CEP76: variants seen among roughly 807,000 people sequenced by gnomAD.
CEP76 encodes the protein centrosomal protein of 76 kDa.
A neutral mutation model predicts 83.3 loss-of-function variants in CEP76; 55 were observed. The observed-to-expected ratio is 0.66, with a 90% CI of 0.53 to 0.83. The LOEUF is 0.83. Ranked by LOEUF, CEP76 falls within the 40% of genes least tolerant of loss-of-function variation. The pLI is 0.00. For missense variants in CEP76, 694 were observed against 799.5 expected, an observed-to-expected ratio of 0.87 and a Z score of 1.59; for synonymous variants, 270 against 274.5, an observed-to-expected ratio of 0.98 and a Z score of 0.16.
chr18:12,687,782 T>G (rs2039596095), intron 7 of CEP76, among the ~76,000 whole-genome samples: 1 of 151,928 alleles, frequency 6.6e-6, no homozygotes, highest in Admixed American at 6.6e-5. Flanking sequence ...AAACAGAGGA[T>G]TATTATTCTA....
chr18:12,690,592 A>C (rs991553588), intron 7 of CEP76, among the ~76,000 whole-genome samples: 4 of 151,910 alleles, frequency 2.6e-5, no homozygotes, highest in African/African-American at 9.7e-5. Context: ...AGTAGCTGCG[A>C]CTATAGGAGC....
At position 12,677,740 on chromosome 18, in the gene CEP76, T is replaced by C. The variant is rs370552192; in HGVS notation, c.1623+369A>G. ...TCCCAAAGTGCTGGGGTTATAGGCATGAGCCATCAAGCCCAGCCTAACCCA... is the reference window on the plus strand; with the variant it reads ...TCCCAAAGTGCTGGGGTTATAGGCACGAGCCATCAAGCCCAGCCTAACCCA... On this transcript the variant is annotated intron_variant, in intron 10 of 11. Coordinates refer to ENST00000262127, the MANE Select transcript of CEP76 (RefSeq NM_024899.4). Among the ~76,000 whole-genome samples the C allele has an allele frequency of 1.8e-4, 27 of 152,272 alleles. No individual in the cohort carries two copies. In the East Asian group the frequency reaches 5.0e-3, roughly 28 times the overall value.
chr18:12,693,543 G>C (rs992902456), intron 6 of CEP76, among the ~76,000 whole-genome samples: 14 of 152,170 alleles, frequency 9.2e-5, no homozygotes, highest in Non-Finnish European at 1.8e-4. Context: ...ATACCACTTT[G>C]GGAGGCCGAG....
chr18:12,700,577 T>C (rs2040116536), intron 2 of CEP76, among the ~76,000 whole-genome samples: 1 of 152,206 alleles, frequency 6.6e-6, no homozygotes, highest in Non-Finnish European at 1.5e-5. Flanking sequence ...TCATAGAGAA[T>C]ATAATCCCAA....
chr18:12,688,240 A>C (rs943621049), intron 7 of CEP76, among the ~76,000 whole-genome samples: 5 of 151,934 alleles, frequency 3.3e-5, no homozygotes, highest in Non-Finnish European at 7.4e-5. Flanking sequence ...AAAAAAAAAA[A>C]AAAAAAACAA....
At chr18:12,684,135 CTTTT>C (rs1185599357) in intron 8 of CEP76, among the ~76,000 whole-genome samples, 1 of 151,466 alleles carries the variant, frequency 6.6e-6, no homozygotes, top group Admixed American at 6.6e-5. Flanking sequence ...AGTGATTCTC[CTTTT>C]TTTGTGTTTT....
intron 10 of CEP76, among the ~76,000 whole-genome samples, chr18:12,676,003 A>G (rs1384323601): frequency 2.6e-5 from 4 of 152,118 alleles, no homozygotes; most frequent in African/African-American, 9.7e-5. Flanking sequence ...AGACCTATTG[A>G]TATCTGGACA....
At chr18:12,686,503 T>G in intron 7 of CEP76, 53 bp from the exon 8 acceptor site, 4 of 1,326,054 alleles carry the variant, frequency 3.0e-6, no homozygotes, top group Non-Finnish European at 4.2e-6. Flanking sequence ...TCCCCAATTA[T>G]GTTTTTTTCA....
chr18:12,682,897 C>T (rs960474945), intron 8 of CEP76, among the ~76,000 whole-genome samples: 1 of 151,886 alleles, frequency 6.6e-6, no homozygotes, highest in East Asian at 1.9e-4. Context: ...GCTGCGATTA[C>T]AGGCATGAGC....
At chr18:12,693,395 G>A (rs1309187750) in intron 6 of CEP76, among the ~76,000 whole-genome samples, 3 of 151,676 alleles carry the variant, frequency 2.0e-5, no homozygotes, top group South Asian at 4.2e-4. Context: ...CTGCACTCAA[G>A]CCTGAGAGAG....
Position 12,702,535 on chromosome 18 carries a change from G to C in CEP76, c.14C>G (p.Pro5Arg). The change falls in exon 1 of 12, where the codon CCG becomes CGG. Residue 5 changes from proline to arginine, a missense_variant. Transcript: ENST00000262127. Reference protein sequence around the residue: MSLPPEKASELKQLI... With the variant: MSLPREKASELKQLI... The stretch of plus-strand genomic sequence containing the variant: ...CTGCTTCAGCTCGGAGGCTTTCTCC[G>C]GAGGCAGCGACATGCTGGCAGCCGG... 7 of 1,607,454 alleles carry C rather than the reference G, an allele frequency of 4.4e-6. No individual in the cohort carries two copies. The highest frequency in any genetic ancestry group is 5.9e-6 in the Non-Finnish European group (7 of 1,178,320).
chr18:12,697,722 T>C (rs1244247914), intron 4 of CEP76, among the ~76,000 whole-genome samples: 1 of 152,188 alleles, frequency 6.6e-6, no homozygotes, highest in East Asian at 1.9e-4. Context: ...ATAAAAAGCC[T>C]TCAAGTATGT....
downstream of CEP76, among the ~76,000 whole-genome samples, chr18:12,667,760 CAA>C (rs67167827): frequency 3.2e-4 from 29 of 89,914 alleles, no homozygotes; most frequent in South Asian, 4.0e-4. Flanking sequence ...GACTCTTTCT[CAA>C]AAAAAAAAAA....
chr18:12,702,532 T>C lies in CEP76; in HGVS notation c.17A>G (p.Glu6Gly), dbSNP rs747446686. Residue 6 changes from glutamate to glycine, a missense_variant, in exon 1 of 12, where the codon GAG (glutamate) becomes GGG (glycine). Transcript: ENST00000262127. The stretch of plus-strand genomic sequence containing the variant: ...GAGCTGCTTCAGCTCGGAGGCTTTC[T>C]CCGGAGGCAGCGACATGCTGGCAGC... MSLPPEKASELKQLIH... is the reference protein window; with the variant it reads MSLPPGKASELKQLIH... The C allele has an allele frequency of 1.7e-5, 27 of 1,607,866 alleles. No individual in the cohort carries two copies. Among genetic ancestry groups the C allele is most frequent in the East Asian group, 2.2e-5 (1 of 44,538 alleles).
chr18:12,668,474 A>T (rs899628099), downstream of CEP76, among the ~76,000 whole-genome samples: 7 of 149,636 alleles, frequency 4.7e-5, no homozygotes, highest in African/African-American at 1.7e-4. Flanking sequence ...AGTGGTGTGC[A>T]CCTGTGGTCC....
chr18:12,665,804 TCTC>T (rs1270505277), intron 12 of CEP76, among the ~76,000 whole-genome samples: 1 of 152,122 alleles, frequency 6.6e-6, no homozygotes, highest in African/African-American at 2.4e-5. Flanking sequence ...CTCATGCAGT[TCTC>T]CTGCCTCAGC....
intron 6 of CEP76, among the ~76,000 whole-genome samples, chr18:12,693,001 T>A (rs1052815909): frequency 1.3e-5 from 2 of 152,138 alleles, no homozygotes; most frequent in Non-Finnish European, 2.9e-5. Context: ...TTTTAAAAAT[T>A]TTTGTAGAGA....
At chr18:12,688,338 C>CTACTAT (rs1390975528) in intron 7 of CEP76, among the ~76,000 whole-genome samples, 1 of 151,124 alleles carries the variant, frequency 6.6e-6, no homozygotes, top group Non-Finnish European at 1.5e-5. Flanking sequence ...CAATGAATTA[C>CTACTAT]TACTATACTA....
At chr18:12,677,397 C>G (rs1256884703) in intron 10 of CEP76, among the ~76,000 whole-genome samples, 1 of 145,934 alleles carries the variant, frequency 6.9e-6, no homozygotes, top group African/African-American at 2.5e-5. Context: ...AAGATCACGC[C>G]ACTGTGCCAA....
Sources: allele counts gnomAD v4.1 joint callset (sites outside exome capture counted in the v4.1 genomes callset), GRCh38; gene constraint gnomAD v4.1.1; transcripts MANE v1.5; gene names NCBI Gene and HGNC (gene_info 2026-07-23, HGNC 2026-07-21).